Variants in RINT1 observed in about 807,000 individuals in gnomAD.
RINT1 encodes the protein RAD50-interacting protein 1.
In RINT1, 75 loss-of-function variants were observed where a neutral mutation model predicts 97.7. The ratio of observed to expected loss-of-function variants is 0.77; its 90% CI spans 0.64 to 0.93. The LOEUF (loss-of-function observed/expected upper bound fraction) is 0.93, where lower values mean the gene tolerates loss of function less well. Among genes scored for constraint, RINT1 ranks in the 40% least tolerant of loss-of-function variants. RINT1 has a pLI of 0.00. For synonymous variants in RINT1, 303 were observed against 326.3 expected (o/e 0.93, Z 0.77); for missense variants, 892 against 925.2 (o/e 0.96, Z 0.47).
intron 2 of RINT1, 77 bp from the exon 3 acceptor site, chr7:105,536,478 GCAGATAAACT>G (rs770062629): frequency 5.2e-4 from 505 of 963,908 alleles, no homozygotes; most frequent in Non-Finnish European, 6.9e-4. Flanking sequence ...ACTTTTGAAG[GCAGATAAACT>G]GCTTTTATAT....
At chr7:105,561,534 TAAAA>T (rs972937455) in intron 11 of RINT1, among the ~76,000 whole-genome samples, 2 of 151,916 alleles carry the variant, frequency 1.3e-5, no homozygotes, top group South Asian at 4.2e-4. Flanking sequence ...TCTCAAAAAA[TAAAA>T]AAAACAAGTA....
At chr7:105,565,141 C>A in intron 12 of RINT1, 136 bp from the exon 13 acceptor site, 2 of 592,836 alleles carry the variant, frequency 3.4e-6, no homozygotes, top group Non-Finnish European at 5.6e-6. Context: ...TCTGATAGAG[C>A]TTTTAATGTT....
In RINT1 at chr7:105,542,465, G is replaced by A. The variant is rs761501745; in HGVS notation, c.331G>A (p.Glu111Lys). The change falls in exon 4 of 15, where the codon GAA becomes AAA. Residue 111 changes from glutamate to lysine, a missense_variant. Transcript: ENST00000257700. The stretch of plus-strand genomic sequence containing the variant: ...AATTCGAAGTGCCTTAAAAAATGCA[G>A]AAGAATCAAAGCAATTTCTTAATCA... ...KRIRSALKNAEESKQFLNQFL... is the reference protein window; with the variant it reads ...KRIRSALKNAKESKQFLNQFL... The A allele has an allele frequency of 8.1e-6, 13 of 1,613,498 alleles. No individual in the cohort carries two copies. The Admixed American group carries it at 1.0e-4, about 12-fold the overall frequency.
chr7:105,548,794 C>A, intron 7 of RINT1, 84 bp downstream of exon 7: 1 of 1,306,432 alleles, frequency 7.7e-7, no homozygotes, highest in Non-Finnish European at 1.1e-6. Context: ...AAGTTAAAAT[C>A]TGACTCTCTT....
Position 105,532,804 on chromosome 7 carries a change from C to G in RINT1, c.43-20C>G, listed in dbSNP as rs1386729916. Reference sequence around the variant, plus strand: ...ACGACTTTAATCTTAATGTGCTTGTCACATCTGTTCTTCTTCTAGTGCTGC... The same window carrying G: ...ACGACTTTAATCTTAATGTGCTTGTGACATCTGTTCTTCTTCTAGTGCTGC... On this transcript the variant is annotated intron_variant, in intron 1 of 14. Coordinates refer to ENST00000257700, the MANE Select transcript of RINT1 (RefSeq NM_021930.6). 1.7e-5 allele frequency: 27 copies of G among 1,613,578 alleles called. No individual in the cohort carries two copies. The highest frequency in any genetic ancestry group is 1.9e-5 in the Non-Finnish European group (23 of 1,179,700).
intron 7 of RINT1, 82 bp downstream of exon 7, chr7:105,548,792 A>T (rs918452213): frequency 7.6e-7 from 1 of 1,321,866 alleles, no homozygotes; most frequent in East Asian, 2.3e-5. Context: ...TTAAGTTAAA[A>T]TCTGACTCTC....
rs1220621637 is a variant in RINT1, at chr7:105,542,403, G to A, written c.274-5G>A. The A allele has an allele frequency of 6.3e-7, 1 of 1,582,518 alleles. No homozygotes were observed. Among genetic ancestry groups the A allele is most frequent in the African/African-American group, 1.4e-5 (1 of 73,986 alleles). ...TCTTTCTTTCTTTTTTAAAATTATG[G>A]TCAGGTACTTACAATTTCATCAGAA... On this transcript the variant is annotated splice_polypyrimidine_tract_variant and splice_region_variant and intron_variant, in intron 3 of 14. Transcript: ENST00000257700.
intron 3 of RINT1, among the ~76,000 whole-genome samples, chr7:105,540,855 T>G (rs2133368244): frequency 6.6e-6 from 1 of 150,784 alleles, no homozygotes; most frequent in Non-Finnish European, 1.5e-5. Flanking sequence ...TTTTTTTTTT[T>G]GATATGGAGT....
At chr7:105,567,048 T>G in intron 14 of RINT1, 71 bp from the exon 15 acceptor site, 3 of 938,844 alleles carry the variant, frequency 3.2e-6, no homozygotes, top group Non-Finnish European at 4.6e-6. Context: ...CTGTTTAGGA[T>G]TCTCAAAATT....
At chr7:105,541,939 C>G (rs1790474883) in intron 3 of RINT1, 1 of 151,952 alleles carries the variant, frequency 6.6e-6, no homozygotes, top group Non-Finnish European at 1.5e-5. Context: ...TTTTGTTTCA[C>G]TTATTGTTTT....
intron 10 of RINT1, among the ~76,000 whole-genome samples, chr7:105,552,666 CTTTTTTTTTT>C (rs386410906): frequency 1.3e-4 from 10 of 79,996 alleles, no homozygotes; most frequent in East Asian, 4.6e-4. Flanking sequence ...TAAATAATTC[CTTTTTTTTTT>C]TTTTTTTTTT....
At position 105,550,135 on chromosome 7, in the gene RINT1, A is replaced by T; in HGVS notation, c.1077A>T (p.Leu359Phe). Residue 359 changes from leucine to phenylalanine, a missense_variant, in exon 8 of 15, where the codon TTA (leucine) becomes TTT (phenylalanine). Transcript: ENST00000257700. ...EFLDEKIQPI[L>F]DKVGSLVNAR... ...TGGATGAGAAGATTCAGCCAATATT[A>T]GACAAAGTAGGCTCTTTGGTAAACG... is the stretch of plus-strand genomic sequence containing the variant. The T allele has an allele frequency of 6.2e-7, 1 of 1,613,702 alleles. No individual in the cohort carries two copies. The highest frequency in any genetic ancestry group is 8.5e-7 in the Non-Finnish European group (1 of 1,179,632).
chr7:105,547,312 A>G lies in RINT1; in HGVS notation c.818A>G (p.Gln273Arg), dbSNP rs764402650. ...IYSYLETLFC[Q>R]LLKLQTSDEL... ...AGTTACCTGGAGACACTGTTTTGTC[A>G]GCTTTTGAAACTACAAACCTCGTAT... Residue 273 changes from glutamine to arginine, a missense_variant, in exon 6 of 15, where the codon CAG (glutamine) becomes CGG (arginine). By Grantham distance (43) the Gln-to-Arg change is conservative (BLOSUM62 1). Transcript: ENST00000257700. The G allele has an allele frequency of 1.2e-6, 2 of 1,614,022 alleles. No individual in the cohort carries two copies. The highest frequency in any genetic ancestry group is 1.3e-5 in the African/African-American group (1 of 74,936).
chr7:105,537,676 A>G (rs1204161563), intron 3 of RINT1, among the ~76,000 whole-genome samples: 5 of 151,440 alleles, frequency 3.3e-5, no homozygotes, highest in Non-Finnish European at 7.4e-5. Flanking sequence ...CTAAAAATAC[A>G]ACAAAAAAAA....
chr7:105,546,609 C>A (rs1371133980), intron 4 of RINT1, among the ~76,000 whole-genome samples: 1 of 152,198 alleles, frequency 6.6e-6, no homozygotes, highest in South Asian at 2.1e-4. Flanking sequence ...CACGGTGACT[C>A]ACGCCTCTAA....
intron 4 of RINT1, among the ~76,000 whole-genome samples, chr7:105,543,065 T>G (rs535967668): frequency 7.9e-5 from 12 of 151,810 alleles, no homozygotes; most frequent in Non-Finnish European, 1.8e-4. Flanking sequence ...TTTTTTTTGG[T>G]ATTTTTAGTA....
In RINT1 at chr7:105,547,859, C is replaced by T. The variant is rs112702488; in HGVS notation, c.839+526C>T. On this transcript the variant is annotated intron_variant, in intron 6 of 14. Transcript: ENST00000257700. ...TCTCCTGCCTCAGCCTCCCGAGTAG[C>T]TGGGATTACAGGCGTGCACCACTAT... Among the ~76,000 whole-genome samples, 936 of 151,846 alleles carry T rather than the reference C, an allele frequency of 6.2e-3. 11 individuals are homozygous for T. Among genetic ancestry groups the T allele is most frequent in the African/African-American group, 0.022 (901 of 41,422 alleles).
chr7:105,540,838 C>CTTTTT (rs56336226), intron 3 of RINT1, among the ~76,000 whole-genome samples: 1 of 134,234 alleles, frequency 7.4e-6, no homozygotes, highest in African/African-American at 2.8e-5. Flanking sequence ...TCTTTGTTTC[C>CTTTTT]TTTTTTTTTT....
chr7:105,563,141 AAAG>A (rs1202004398), intron 11 of RINT1, among the ~76,000 whole-genome samples: 2 of 152,206 alleles, frequency 1.3e-5, no homozygotes, highest in Non-Finnish European at 2.9e-5. Flanking sequence ...AAATGTACTG[AAAG>A]AAGACAGTCA....
Sources: gnomAD v4.1 joint callset for allele counts (sites outside exome capture counted in the v4.1 genomes callset) on GRCh38, gnomAD v4.1.1 for gene constraint, MANE v1.5 for transcripts, NCBI Gene and HGNC (gene_info 2026-07-23, HGNC 2026-07-21) for gene names.